The following SIN3B variants were observed in gnomAD, a reference collection of about 807,000 sequenced individuals.
SIN3B encodes the protein SIN3 transcription regulator family member B, also known as paired amphipathic helix protein Sin3b.
A neutral mutation model predicts 120.2 loss-of-function variants in SIN3B; 19 were observed. That is an observed-to-expected ratio of 0.16 (90% CI 0.11 to 0.23). The LOEUF (loss-of-function observed/expected upper bound fraction) is 0.23. Ranked by LOEUF, SIN3B falls within the 10% of genes least tolerant of loss-of-function variation. The probability of loss-of-function intolerance (pLI) is 1.00; values close to 1 mark genes in which losing one functional copy is unlikely to be tolerated. For synonymous variants in SIN3B, 654 were observed against 653.2 expected, an observed-to-expected ratio of 1.00 and a Z score of -0.02; for missense variants, 1,073 against 1,573.0, an observed-to-expected ratio of 0.68 and a Z score of 5.38.
Position 16,863,736 on chromosome 19 carries a change from C to T in SIN3B, c.1323C>T (p.Val441=). The stretch of plus-strand genomic sequence containing the variant: ...CCTGGTCTGAGGACTCCACGTTCGT[C>T]AGCTCCAAGAAGACACCGTACGAGG... The part of the protein sequence containing the change: ...FPSWSEDSTF[V]SSKKTPYEEQ... The change falls in exon 10 of 19, where the codon GTC becomes GTT. Residue 441 remains valine, a synonymous_variant. Coordinates refer to ENST00000248054, the MANE Select transcript of SIN3B (RefSeq NM_001297595.2). 1.2e-6 allele frequency: 2 copies of T among 1,614,202 alleles called. No individual in the cohort carries two copies. The highest frequency in any genetic ancestry group is 8.5e-7 in the Non-Finnish European group (1 of 1,180,028).
intron 5 of SIN3B, among the ~76,000 whole-genome samples, chr19:16,850,432 G>T (rs1971529748): frequency 6.6e-6 from 1 of 152,004 alleles, no homozygotes; most frequent in Admixed American, 6.6e-5. Flanking sequence ...TTGGGTTTTT[G>T]GGGTTTTTCC....
intron 14 of SIN3B, among the ~76,000 whole-genome samples, chr19:16,874,974 ATTTGATTTGGTCTGG>A (rs1335428494): frequency 1.6e-5 from 2 of 122,256 alleles, no homozygotes; most frequent in Non-Finnish European, 3.4e-5. Flanking sequence ...GTCTGGTCTG[ATTTGATTTGGTCTGG>A]TTTGGTTTGG....
chr19:16,865,309 C>CCA (rs1555742999), intron 10 of SIN3B, 101 bp from the exon 11 acceptor site: 7 of 544,746 alleles, frequency 1.3e-5, no homozygotes, highest in Non-Finnish European at 2.4e-5. Context: ...TACACACACC[C>CCA]CCCCCCCAAA....
intron 3 of SIN3B, among the ~76,000 whole-genome samples, chr19:16,837,855 T>G (rs1235600147): frequency 4.0e-5 from 6 of 151,884 alleles, no homozygotes. Flanking sequence ...CCTGCTGAGG[T>G]GCATAAGGCC....
intron 3 of SIN3B, among the ~76,000 whole-genome samples, chr19:16,840,768 G>T (rs138035932): frequency 6.6e-6 from 1 of 152,302 alleles, no homozygotes; most frequent in Non-Finnish European, 1.5e-5. Flanking sequence ...ACTGTTCTGG[G>T]CACTGGGGAT....
intron 4 of SIN3B, among the ~76,000 whole-genome samples, chr19:16,844,891 T>G (rs544699094): frequency 6.6e-6 from 1 of 152,244 alleles, no homozygotes; most frequent in African/African-American, 2.4e-5. Context: ...TGGCCTCAGA[T>G]GGGGACAGGG....
Position 16,838,634 on chromosome 19 carries a change from G to A in SIN3B, c.382-3134G>A, listed in dbSNP as rs576420021. ...TGGCTGTTGTGCATAGTGCTGCAACGAACATTCATGTGTGAGGATGTGTTG... is the reference window on the plus strand; with the variant it reads ...TGGCTGTTGTGCATAGTGCTGCAACAAACATTCATGTGTGAGGATGTGTTG... On this transcript the variant is annotated intron_variant, in intron 3 of 18. Coordinates refer to ENST00000248054, the MANE Select transcript of SIN3B (RefSeq NM_001297595.2). Among the ~76,000 whole-genome samples, 9 of 152,260 alleles carry A rather than the reference G, an allele frequency of 5.9e-5. No homozygotes were observed. The South Asian group carries it at 1.5e-3, about 25-fold the overall frequency.
intron 17 of SIN3B, 38 bp from the exon 18 acceptor site, chr19:16,878,145 C>T (rs767198390): frequency 5.6e-5 from 83 of 1,487,982 alleles, no homozygotes; most frequent in Admixed American, 4.3e-4. Context: ...CCCACAATGC[C>T]GAGAGCCAGA....
rs371313884 is a variant in SIN3B, at chr19:16,865,635, G to A, written c.1609G>A (p.Val537Ile). ...GAAGAACCCTGTCACCGCTGTCCCC[G>A]TTGTCCTGAAAAGGTGCCCTGTGGC... ...LKKNPVTAVP[V>I]VLKRLKAKEE... is the part of the protein sequence containing the mutation. The change falls in exon 11 of 19, where the codon GTT (valine) becomes ATT (isoleucine). Residue 537 changes from valine to isoleucine, a missense_variant. Physicochemically the swap from Val to Ile is conservative, Grantham distance 29 (BLOSUM62 3). Transcript: ENST00000248054. 19 of 1,604,120 alleles carry A rather than the reference G, an allele frequency of 1.2e-5. No homozygotes were observed. The highest frequency in any genetic ancestry group is 2.2e-5 in the East Asian group (1 of 44,550).
At chr19:16,852,451 T>C (rs1012649184) in intron 6 of SIN3B, among the ~76,000 whole-genome samples, 10 of 152,180 alleles carry the variant, frequency 6.6e-5, no homozygotes, top group Admixed American at 4.6e-4. Flanking sequence ...TTCATCGTGT[T>C]GCCCAGGCTG....
intron 18 of SIN3B, 27 bp downstream of exon 18, chr19:16,878,417 G>T (rs371233614): frequency 1.3e-6 from 2 of 1,599,970 alleles, no homozygotes; most frequent in African/African-American, 2.7e-5. Flanking sequence ...GGGCTGCCCC[G>T]ACATGCCCCT....
intron 8 of SIN3B, among the ~76,000 whole-genome samples, chr19:16,861,763 CAAAAA>C (rs959913779): frequency 1.3e-5 from 1 of 74,488 alleles, no homozygotes; most frequent in African/African-American, 5.7e-5. Flanking sequence ...AACTCTGTCT[CAAAAA>C]AAAAAAAAAA....
At chr19:16,871,115 G>C in intron 13 of SIN3B, 114 bp from the exon 14 acceptor site, 2 of 1,318,722 alleles carry the variant, frequency 1.5e-6, no homozygotes, top group Non-Finnish European at 2.2e-6. Flanking sequence ...GGTGGCAGGT[G>C]AGGGCTGTTG....
At chr19:16,841,994 G>A (rs747634007) in intron 4 of SIN3B, 26 bp downstream of exon 4, 2 of 1,592,076 alleles carry the variant, frequency 1.3e-6, no homozygotes, top group South Asian at 2.2e-5. Flanking sequence ...ACAATTCCTT[G>A]TGGGTTTTGG....
In SIN3B at chr19:16,862,749, G is replaced by C. The variant is rs1300542244; in HGVS notation, c.1266+190G>C. On this transcript the variant is annotated intron_variant, in intron 9 of 18. Coordinates refer to ENST00000248054, the MANE Select transcript of SIN3B (RefSeq NM_001297595.2). The surrounding 1 kb of genome is among the most constrained non-coding windows in gnomAD (Gnocchi z 4.7). Reference sequence around the variant, plus strand: ...AGAGACAACAGTGTTGTACCCTGCTGGTAGTTTTGGCAAAACACAGAGTGC... The same window carrying C: ...AGAGACAACAGTGTTGTACCCTGCTCGTAGTTTTGGCAAAACACAGAGTGC... 1 of 981,704 alleles carries C rather than the reference G, an allele frequency of 1.0e-6. No individual in the cohort carries two copies. The highest frequency in any genetic ancestry group is 1.6e-6 in the Non-Finnish European group (1 of 624,840). The allele number at this position is 981,704 out of a possible 1,614,324, so 60.8% of individuals were successfully genotyped here. A position where few individuals can be genotyped will look rare whatever the true frequency, so the allele number is the denominator to read the frequency against.
chr19:16,830,400 A>G (rs545170067), intron 2 of SIN3B, among the ~76,000 whole-genome samples: 90 of 152,314 alleles, frequency 5.9e-4, no homozygotes, highest in African/African-American at 2.0e-3. Flanking sequence ...GAGCTGGCAC[A>G]CAGAAAACGT....
chr19:16,855,168 C>T (rs1213956877), intron 8 of SIN3B: 3 of 152,146 alleles, frequency 2.0e-5, no homozygotes, highest in African/African-American at 4.8e-5. Flanking sequence ...ACAGCTTTCT[C>T]ACTGTGGAGG....
intron 4 of SIN3B, 101 bp from the exon 5 acceptor site, chr19:16,846,869 A>G: frequency 7.8e-7 from 1 of 1,283,672 alleles, no homozygotes; most frequent in South Asian, 1.4e-5. Flanking sequence ...CTTTCCTGAG[A>G]GTCATCCTGT....
At chr19:16,849,908 A>T (rs1481776476) in intron 5 of SIN3B, among the ~76,000 whole-genome samples, 4 of 151,212 alleles carry the variant, frequency 2.6e-5, no homozygotes, top group African/African-American at 9.7e-5. Flanking sequence ...CTGAGCTGAG[A>T]TCGCACCATT....
Sources: gnomAD v4.1 joint callset for allele counts (sites outside exome capture counted in the v4.1 genomes callset) on GRCh38, gnomAD v4.1.1 for gene constraint, Gnocchi (gnomAD v3.1) non-coding constraint, MANE v1.5 for transcripts, NCBI Gene and HGNC (gene_info 2026-07-23, HGNC 2026-07-21) for gene names.